PRKG2: variants seen among roughly 807,000 people sequenced by gnomAD.
PRKG2 encodes cGMP-dependent protein kinase 2.
PRKG2 carries 33 observed loss-of-function variants against 97.2 expected under a neutral mutation model. The ratio of observed to expected loss-of-function variants is 0.34; its 90% confidence interval spans 0.26 to 0.45. The LOEUF is 0.45. Among genes scored for constraint, PRKG2 ranks in the 20% least tolerant of loss-of-function variants. PRKG2 has a pLI of 1.00. For synonymous variants in PRKG2, 330 were observed against 321.8 expected (o/e 1.03, Z -0.27); for missense variants, 638 against 900.0 (o/e 0.71, Z 3.73).
chr4:81,144,996 C>T (rs1203647321), intron 9 of PRKG2, among the ~76,000 whole-genome samples: 1 of 151,928 alleles, frequency 6.6e-6, no homozygotes, highest in African/African-American at 2.4e-5. Context: ...TTTTCTTAAT[C>T]CAGTCTATCA....
chr4:81,138,887 C>T (rs1746978203), intron 12 of PRKG2, among the ~76,000 whole-genome samples: 1 of 152,136 alleles, frequency 6.6e-6, no homozygotes, highest in African/African-American at 2.4e-5. Flanking sequence ...CTATTGCCAG[C>T]ACTGCCTGGG....
At chr4:81,194,963 C>T (rs1023427260) in intron 2 of PRKG2, among the ~76,000 whole-genome samples, 6 of 152,046 alleles carry the variant, frequency 3.9e-5, no homozygotes, top group Non-Finnish European at 7.4e-5. Flanking sequence ...ATGCCCAGGG[C>T]TCTTGCCTCA....
intron 14 of PRKG2, among the ~76,000 whole-genome samples, chr4:81,128,803 GT>G (rs200583669): frequency 0.039 from 5,919 of 152,030 alleles, 401 homozygotes; most frequent in African/African-American, 0.14. Flanking sequence ...TTTTTGAAGG[GT>G]TTTTCATGTC....
intron 17 of PRKG2, among the ~76,000 whole-genome samples, chr4:81,103,307 C>A (rs1490140406): frequency 6.6e-6 from 1 of 151,938 alleles, no homozygotes; most frequent in Admixed American, 6.6e-5. Context: ...TATCCCTCCC[C>A]GCTCCCCCCA....
rs138796558 is a variant in PRKG2, at chr4:81,179,152, A to G, written c.462-4193T>C. On this transcript the variant is annotated intron_variant, in intron 2 of 18. Coordinates refer to ENST00000264399, the MANE Select transcript of PRKG2 (RefSeq NM_006259.3). The stretch of plus-strand genomic sequence containing the variant: ...AAACAAACAAAAAAAAAAAGAAAAG[A>G]AAAAAGAGTTAGCTTAAATCAATTA... Among the ~76,000 whole-genome samples, 14 of 152,122 alleles carry G rather than the reference A, an allele frequency of 9.2e-5. No individual in the cohort carries two copies. In the East Asian group the frequency reaches 2.3e-3, roughly 25 times the overall value.
At chr4:81,103,005 C>A (rs1257639038) in intron 17 of PRKG2, among the ~76,000 whole-genome samples, 1 of 152,258 alleles carries the variant, frequency 6.6e-6, no homozygotes, top group Middle Eastern at 3.4e-3. Context: ...TTTGCACTAT[C>A]TACATATTCT....
intron 4 of PRKG2, among the ~76,000 whole-genome samples, chr4:81,170,473 C>T (rs1056428376): frequency 7.9e-5 from 12 of 151,904 alleles, no homozygotes; most frequent in African/African-American, 2.7e-4. Context: ...GATCAAAACC[C>T]AAAGCTCTGG....
intron 2 of PRKG2, among the ~76,000 whole-genome samples, chr4:81,179,100 T>A (rs1751180906): frequency 6.7e-6 from 1 of 150,304 alleles, no homozygotes; most frequent in Non-Finnish European, 1.5e-5. Flanking sequence ...CACTCCAGCC[T>A]GGCAGCAGAG....
chr4:81,097,019 C>A (rs1578327776), intron 17 of PRKG2, among the ~76,000 whole-genome samples: 1 of 152,138 alleles, frequency 6.6e-6, no homozygotes, highest in Non-Finnish European at 1.5e-5. Context: ...AAAGGAATCA[C>A]TATGGCAGCT....
At chr4:81,121,488 C>T (rs749540979) in intron 14 of PRKG2, among the ~76,000 whole-genome samples, 2 of 152,082 alleles carry the variant, frequency 1.3e-5, no homozygotes, top group Non-Finnish European at 2.9e-5. Flanking sequence ...TAGATATAGG[C>T]CTATTCAGAT....
At chr4:81,179,148 A>C (rs1751188632) in intron 2 of PRKG2, among the ~76,000 whole-genome samples, 1 of 152,028 alleles carries the variant, frequency 6.6e-6, no homozygotes, top group South Asian at 2.1e-4. Context: ...AAAAAAAAGA[A>C]AAGAAAAAAG....
chr4:81,161,396 A>C (rs1466309158), intron 6 of PRKG2, among the ~76,000 whole-genome samples: 1 of 152,168 alleles, frequency 6.6e-6, no homozygotes, highest in Admixed American at 6.5e-5. Context: ...AACAACCAAA[A>C]ACTTGGTGGC....
At chr4:81,196,217 G>A (rs968160359) in intron 2 of PRKG2, among the ~76,000 whole-genome samples, 33 of 152,118 alleles carry the variant, frequency 2.2e-4, no homozygotes, top group Admixed American at 1.8e-3. Flanking sequence ...CAACAATCAC[G>A]TAAGCTGGGA....
intron 14 of PRKG2, among the ~76,000 whole-genome samples, chr4:81,122,676 C>T (rs1004384662): frequency 2.0e-5 from 3 of 152,274 alleles, no homozygotes; most frequent in East Asian, 1.9e-4. Context: ...GCAAACTTTC[C>T]CTTACTTGCC....
rs904184600 is a variant in PRKG2, at chr4:81,092,368, A to G, written c.2193+18T>C. The G allele has an allele frequency of 3.4e-6, 5 of 1,487,610 alleles. No homozygotes were observed. In the African/African-American group the frequency reaches 7.1e-5, roughly 21 times the overall value. The allele number at this position is 1,487,610 out of a possible 1,614,324, so 92.2% of individuals were successfully genotyped here. ...TCCCTGGGAAAAAAATAAAAAAGTA[A>G]TATAATAAATACAATACCTCTCTTT... On this transcript the variant is annotated intron_variant, in intron 18 of 18. Coordinates refer to ENST00000264399, the MANE Select transcript of PRKG2 (RefSeq NM_006259.3).
intron 13 of PRKG2, 131 bp from the exon 14 acceptor site, chr4:81,135,427 G>A: frequency 1.2e-5 from 11 of 888,304 alleles, no homozygotes; most frequent in Non-Finnish European, 1.8e-5. Context: ...ACAATAAAAT[G>A]TATTTTATAC....
At chr4:81,125,540 G>C (rs55864419) in intron 14 of PRKG2, among the ~76,000 whole-genome samples, 13,513 of 152,144 alleles carry the variant, frequency 0.089, 733 homozygotes, top group Middle Eastern at 0.2. Flanking sequence ...TGGCTGTTTC[G>C]AATTTGGGGG....
chr4:81,187,123 T>G (rs1751951337), intron 2 of PRKG2, among the ~76,000 whole-genome samples: 2 of 152,182 alleles, frequency 1.3e-5, no homozygotes, highest in Admixed American at 1.3e-4. Context: ...TAACTCATTT[T>G]ATGAGGCCAG....
upstream of PRKG2, among the ~76,000 whole-genome samples, chr4:81,217,141 G>T (rs547985293): frequency 2.0e-5 from 3 of 150,488 alleles, no homozygotes; most frequent in African/African-American, 7.4e-5. Context: ...TTGCTATTGT[G>T]AATAATGCTG....
Sources: allele counts gnomAD v4.1 joint callset (sites outside exome capture counted in the v4.1 genomes callset), GRCh38; gene constraint gnomAD v4.1.1; transcripts MANE v1.5; gene names NCBI Gene and HGNC (gene_info 2026-07-23, HGNC 2026-07-21).